ZNF865: variants seen among roughly 807,000 people sequenced by gnomAD.
ZNF865 encodes zinc finger protein 865.
For synonymous variants in ZNF865, 763 were observed against 750.8 expected, an observed-to-expected ratio of 1.02 and a Z score of -0.27; for missense variants, 1,311 against 1,593.4, an observed-to-expected ratio of 0.82 and a Z score of 3.02.
rs1351305640 is a variant in ZNF865 at position 55,616,379 on chromosome 19, G to C, written c.2761G>C (p.Glu921Gln). The C allele has an allele frequency of 1.3e-5, 19 of 1,512,708 alleles. No homozygotes were observed. The highest frequency in any genetic ancestry group is 1.5e-5 in the Non-Finnish European group (17 of 1,136,492). The allele number at this position is 1,512,708 out of a possible 1,614,324, so 93.7% of individuals were successfully genotyped here. A position where few individuals can be genotyped will look rare whatever the true frequency, so the allele number is the denominator to read the frequency against. Residue 921 changes from glutamate to glutamine, a missense_variant, in exon 2 of 2, where the codon GAG becomes CAG. Transcript: ENST00000568956. ...KRFAQSSSLAEHRRLHAVARP... is the reference protein window; with the variant it reads ...KRFAQSSSLAQHRRLHAVARP... ...CTTCGCGCAGTCGTCCAGCCTGGCA[G>C]AGCACCGGCGGCTGCACGCTGTGGC...
chr19:55,615,917 G>T lies in ZNF865; in HGVS notation c.2299G>T (p.Val767Leu), dbSNP rs1173134969. ...GGCGGCCGTGGCGGCACTGGCAGGG[G>T]TGTCTGGGGGTGAGGACGCAGGCGG... Reference protein sequence around the residue: ...VGAAVAALAGVSGGEDAGGAA... With the variant: ...VGAAVAALAGLSGGEDAGGAA... Residue 767 changes from valine (V) to leucine (L), a missense_variant, in exon 2 of 2, where the codon GTG (valine) becomes TTG (leucine). Val to Leu is a conservative substitution (Grantham distance 32). Transcript: ENST00000568956. The T allele has an allele frequency of 1.3e-6, 2 of 1,485,602 alleles. No individual in the cohort carries two copies. Among genetic ancestry groups the T allele is most frequent in the Non-Finnish European group, 1.8e-6 (2 of 1,125,114 alleles). 92.0% of individuals were successfully genotyped at this position (1,485,602 alleles called of 1,614,324 possible).
rs1265897158 is a variant in ZNF865, at chr19:55,615,853, G to T, written c.2235G>T (p.Ala745=). The T allele has an allele frequency of 6.7e-7, 1 of 1,493,910 alleles. No homozygotes were observed. The highest frequency in any genetic ancestry group is 2.2e-5 in the Admixed American group (1 of 44,520). The allele number at this position is 1,493,910 out of a possible 1,614,324, so 92.5% of individuals were successfully genotyped here. The change falls in exon 2 of 2, where the codon GCG becomes GCT. Residue 745 remains alanine (A), a synonymous_variant. Transcript: ENST00000568956. The part of the protein sequence containing the change: ...QPPDGSSGTD[A]ASVLDNGLAG... Reference sequence around the variant, plus strand: ...CGGACGGCTCCAGCGGCACGGATGCGGCCAGCGTGCTGGACAACGGGCTGG... The same window carrying T: ...CGGACGGCTCCAGCGGCACGGATGCTGCCAGCGTGCTGGACAACGGGCTGG...
At chr19:55,608,766 A>G (rs1981031561) in intron 1 of ZNF865, among the ~76,000 whole-genome samples, 1 of 152,198 alleles carries the variant, frequency 6.6e-6, no homozygotes, top group Non-Finnish European at 1.5e-5. Flanking sequence ...AAGGCACCTA[A>G]GTACAATGCT....
chr19:55,615,815 G>T lies in ZNF865; in HGVS notation c.2197G>T (p.Gly733Cys). 1 of 1,509,358 alleles carries T rather than the reference G, an allele frequency of 6.6e-7. No homozygotes were observed. The highest frequency in any genetic ancestry group is 2.1e-5 in the Admixed American group (1 of 47,186). 93.5% of individuals were successfully genotyped at this position (1,509,358 alleles called of 1,614,324 possible). ...GCGCCTGCTCCCGCCCGCACCCGGC[G>T]GCCTGCAGCCCCCGGACGGCTCCAG... Reference protein sequence around the residue: ...PERLLPPAPGGLQPPDGSSGT... With the variant: ...PERLLPPAPGCLQPPDGSSGT... The change falls in exon 2 of 2, where the codon GGC (glycine) becomes TGC (cysteine). Residue 733 changes from glycine (G) to cysteine (C), a missense_variant. Coordinates refer to ENST00000568956, the MANE Select transcript of ZNF865 (RefSeq NM_001195605.2).
At position 55,614,526 on chromosome 19, in the gene ZNF865, C is replaced by G; in HGVS notation, c.908C>G (p.Ala303Gly). 2 of 1,356,008 alleles carry G rather than the reference C, an allele frequency of 1.5e-6. No homozygotes were observed. Among genetic ancestry groups the G allele is most frequent in the Non-Finnish European group, 1.9e-6 (2 of 1,061,856 alleles). The allele number at this position is 1,356,008 out of a possible 1,614,324, so 84.0% of individuals were successfully genotyped here. Residue 303 changes from alanine (A) to glycine (G), a missense_variant, in exon 2 of 2, where the codon GCC (alanine) becomes GGC (glycine). By Grantham distance (60) the Ala-to-Gly change is moderately conservative. Coordinates refer to ENST00000568956, the MANE Select transcript of ZNF865 (RefSeq NM_001195605.2). This position sits in a 1 kb window ranked among gnomAD's most constrained non-coding sequence, Gnocchi z 8.0. ...GGCCTCCCAGCACCCGCTGCCAGCG[C>G]CGCCACCGCCGCCGCCCCCTCCACG... The part of the protein sequence containing the change: ...PLGLPAPAAS[A>G]ATAAAPSTVS...
chr19:55,608,251 A>G (rs996566878), intron 1 of ZNF865, among the ~76,000 whole-genome samples: 1 of 151,800 alleles, frequency 6.6e-6, no homozygotes, highest in Admixed American at 6.6e-5. Flanking sequence ...TGCAGCAGGA[A>G]TAGAGTGGGC....
chr19:55,613,603 C>T lies in ZNF865; in HGVS notation c.-16C>T. ...TCCTCCTCTTCACAGGGTCTCCCGTCTCCCACCCGCCGGAGATGGAGGCGA... is the reference window on the plus strand; with the variant it reads ...TCCTCCTCTTCACAGGGTCTCCCGTTTCCCACCCGCCGGAGATGGAGGCGA... On this transcript the variant is annotated 5_prime_UTR_variant, in exon 2 of 2. Coordinates refer to ENST00000568956, the MANE Select transcript of ZNF865 (RefSeq NM_001195605.2). The T allele has an allele frequency of 6.7e-7, 1 of 1,502,848 alleles. No individual in the cohort carries two copies. Among genetic ancestry groups the T allele is most frequent in the African/African-American group, 1.4e-5 (1 of 72,284 alleles). 93.1% of individuals were successfully genotyped at this position (1,502,848 alleles called of 1,614,324 possible).
rs774951108 is a variant in ZNF865, at chr19:55,615,863, C to G, written c.2245C>G (p.Leu749Val). Residue 749 changes from leucine to valine, a missense_variant, in exon 2 of 2, where the codon CTG becomes GTG. Physicochemically the swap from Leu to Val is conservative, Grantham distance 32. Transcript: ENST00000568956. ...CAGCGGCACGGATGCGGCCAGCGTG[C>G]TGGACAACGGGCTGGCGGGGGAGGT... ...GSSGTDAASV[L>V]DNGLAGEVGA... is the part of the protein sequence containing the mutation. 106 of 1,488,330 alleles carry G rather than the reference C, an allele frequency of 7.1e-5. No homozygotes were observed. Among genetic ancestry groups the G allele is most frequent in the Non-Finnish European group, 9.0e-5 (102 of 1,127,134 alleles). The allele number at this position is 1,488,330 out of a possible 1,614,324, so 92.2% of individuals were successfully genotyped here. A position where few individuals can be genotyped will look rare whatever the true frequency, so the allele number is the denominator to read the frequency against.
rs1344653284 is a variant in ZNF865 at position 55,614,592 on chromosome 19, C to T, written c.974C>T (p.Pro325Leu). 1 of 1,519,238 alleles carries T rather than the reference C, an allele frequency of 6.6e-7. No individual in the cohort carries two copies. The highest frequency in any genetic ancestry group is 8.8e-7 in the Non-Finnish European group (1 of 1,139,092). 94.1% of individuals were successfully genotyped at this position (1,519,238 alleles called of 1,614,324 possible). ...CCAGCCACGCCCGTGGCGCCTGCCC[C>T]CTCCGCAGACGGGAGCGCCGCCCCT... The part of the protein sequence containing the change: ...GPPATPVAPA[P>L]SADGSAAPAG... The change falls in exon 2 of 2, where the codon CCC becomes CTC. Residue 325 changes from proline (P) to leucine (L), a missense_variant. Transcript: ENST00000568956. This position sits in a 1 kb window ranked among gnomAD's most constrained non-coding sequence, Gnocchi z 8.0.
intron 1 of ZNF865, among the ~76,000 whole-genome samples, chr19:55,610,675 G>A (rs1470209227): frequency 2.0e-5 from 3 of 152,202 alleles, no homozygotes; most frequent in Non-Finnish European, 2.9e-5. Context: ...CCAGTGCTAC[G>A]CTAAGTGCTG....
Position 55,615,275 on chromosome 19 carries a change from G to C in ZNF865, c.1657G>C (p.Gly553Arg), listed in dbSNP as rs1363348887. The C allele has an allele frequency of 6.6e-6, 10 of 1,525,026 alleles. No homozygotes were observed. The highest frequency in any genetic ancestry group is 3.6e-5 in the South Asian group (3 of 82,552). The allele number at this position is 1,525,026 out of a possible 1,614,324, so 94.5% of individuals were successfully genotyped here. ...CGTCCCAGGAAAGACGTTCTGCTGC[G>C]GCATCTGCGGGCGCGGCTTCGGGCG... ...ASVPGKTFCC[G>R]ICGRGFGRRE... Residue 553 changes from glycine to arginine, a missense_variant, in exon 2 of 2, where the codon GGC becomes CGC. By Grantham distance (125) the Gly-to-Arg change is moderately radical. Coordinates refer to ENST00000568956, the MANE Select transcript of ZNF865 (RefSeq NM_001195605.2).
chr19:55,606,744 A>G (rs1980958484), intron 1 of ZNF865, among the ~76,000 whole-genome samples: 1 of 152,222 alleles, frequency 6.6e-6, no homozygotes, highest in African/African-American at 2.4e-5. Context: ...TCACTATTCT[A>G]GCTGAAGGGT....
rs1981260916 is a variant in ZNF865, at chr19:55,614,389, C to T, written c.771C>T (p.Cys257=). The T allele has an allele frequency of 2.7e-6, 4 of 1,482,810 alleles. No individual in the cohort carries two copies. The highest frequency in any genetic ancestry group is 2.2e-5 in the Admixed American group (1 of 44,874). 91.9% of individuals were successfully genotyped at this position (1,482,810 alleles called of 1,614,324 possible). A position where few individuals can be genotyped will look rare whatever the true frequency, so the allele number is the denominator to read the frequency against. The part of the protein sequence containing the change: ...SGERPYECGV[C]GRTYNHVSSL... ...AGAGGCCCTACGAATGCGGCGTCTGCGGCCGCACCTACAACCACGTGTCCA... is the reference window on the plus strand; with the variant it reads ...AGAGGCCCTACGAATGCGGCGTCTGTGGCCGCACCTACAACCACGTGTCCA... The change falls in exon 2 of 2, where the codon TGC becomes TGT. Residue 257 remains cysteine, a synonymous_variant. Coordinates refer to ENST00000568956, the MANE Select transcript of ZNF865 (RefSeq NM_001195605.2). The surrounding 1 kb of genome is among the most constrained non-coding windows in gnomAD (Gnocchi z 8.0).
chr19:55,610,291 G>A (rs958323562), intron 1 of ZNF865, among the ~76,000 whole-genome samples: 14 of 152,240 alleles, frequency 9.2e-5, no homozygotes, highest in South Asian at 4.1e-4. Flanking sequence ...ATGGAGTCGC[G>A]CTCTTGTTGC....
chr19:55,614,540 G>GC lies in ZNF865; in HGVS notation c.927dup (p.Ser310LeufsTer260). 7.3e-7 allele frequency: 1 copy of GC among 1,369,776 alleles called. No individual in the cohort carries two copies. Among genetic ancestry groups the GC allele is most frequent in the Non-Finnish European group, 9.3e-7 (1 of 1,070,152 alleles). The allele number at this position is 1,369,776 out of a possible 1,614,324, so 84.9% of individuals were successfully genotyped here. Reference sequence around the variant, plus strand: ...CGCTGCCAGCGCCGCCACCGCCGCCGCCCCCTCCACGGTGTCCTCGGGCCC... The same window carrying GC: ...CGCTGCCAGCGCCGCCACCGCCGCCGCCCCCCTCCACGGTGTCCTCGGGCCC... On this transcript the variant is annotated frameshift_variant, in exon 2 of 2. Coordinates refer to ENST00000568956, the MANE Select transcript of ZNF865 (RefSeq NM_001195605.2). LOFTEE classifies it low-confidence loss of function (END_TRUNC). This position sits in a 1 kb window ranked among gnomAD's most constrained non-coding sequence, Gnocchi z 8.0.
chr19:55,614,564 C>A lies in ZNF865; in HGVS notation c.946C>A (p.Pro316Thr). 1 of 1,488,362 alleles carries A rather than the reference C, an allele frequency of 6.7e-7. No individual in the cohort carries two copies. Among genetic ancestry groups the A allele is most frequent in the South Asian group, 1.3e-5 (1 of 78,124 alleles). The allele number at this position is 1,488,362 out of a possible 1,614,324, so 92.2% of individuals were successfully genotyped here. ...AAAPSTVSSG[P>T]PATPVAPAPS... ...CGCCCCCTCCACGGTGTCCTCGGGC[C>A]CTCCAGCCACGCCCGTGGCGCCTGC... Residue 316 changes from proline (P) to threonine (T), a missense_variant, in exon 2 of 2, where the codon CCT becomes ACT. Physicochemically the swap from Pro to Thr is conservative, Grantham distance 38. Transcript: ENST00000568956. The surrounding 1 kb of genome is among the most constrained non-coding windows in gnomAD (Gnocchi z 8.0).
Position 55,614,790 on chromosome 19 carries a change from A to G in ZNF865, c.1172A>G (p.Glu391Gly). The G allele has an allele frequency of 6.4e-7, 1 of 1,555,100 alleles. No homozygotes were observed. ...SVCSKSFNRRESLKRHVKTHS... is the reference protein window; with the variant it reads ...SVCSKSFNRRGSLKRHVKTHS... ...TGCAGCAAAAGCTTCAACCGCAGGG[A>G]GAGTCTGAAGCGCCACGTGAAGACG... The change falls in exon 2 of 2, where the codon GAG becomes GGG. Residue 391 changes from glutamate (E) to glycine (G), a missense_variant. Coordinates refer to ENST00000568956, the MANE Select transcript of ZNF865 (RefSeq NM_001195605.2). This position sits in a 1 kb window ranked among gnomAD's most constrained non-coding sequence, Gnocchi z 8.0.
chr19:55,616,030 C>T lies in ZNF865; in HGVS notation c.2412C>T (p.Phe804=). ...CGTGCGGCCAGAGTTTCAAGCACTT[C>T]CTGGGCCTCGTGACTCACAAGTACG... ...CATCGQSFKH[F]LGLVTHKYVH... The change falls in exon 2 of 2, where the codon TTC becomes TTT. Residue 804 remains phenylalanine, a synonymous_variant. Transcript: ENST00000568956. The T allele has an allele frequency of 6.6e-7, 1 of 1,526,344 alleles. No homozygotes were observed. Among genetic ancestry groups the T allele is most frequent in the Non-Finnish European group, 8.8e-7 (1 of 1,142,602 alleles). 94.6% of individuals were successfully genotyped at this position (1,526,344 alleles called of 1,614,324 possible).
intron 1 of ZNF865, among the ~76,000 whole-genome samples, chr19:55,610,412 C>G (rs1395135736): frequency 1.3e-5 from 2 of 152,192 alleles, no homozygotes; most frequent in Non-Finnish European, 2.9e-5. Flanking sequence ...AGGCGCCCAC[C>G]ACCAAGCCTG....
Sources: allele counts gnomAD v4.1 joint callset (sites outside exome capture counted in the v4.1 genomes callset), GRCh38; gene constraint gnomAD v4.1.1; non-coding constraint Gnocchi (gnomAD v3.1); transcripts MANE v1.5; gene names NCBI Gene and HGNC (gene_info 2026-07-23, HGNC 2026-07-21).